The following SLC16A4 variants were observed in gnomAD, a reference collection of about 807,000 sequenced individuals.
The protein encoded by SLC16A4 is probable monocarboxylate transporter 5.
Under a neutral mutation model 47.9 loss-of-function variants are expected in SLC16A4, and 39 were observed. That is an observed-to-expected ratio of 0.81 (90% CI 0.63 to 1.06). The LOEUF is 1.06. Among genes scored for constraint, SLC16A4 ranks in the 50% least tolerant of loss-of-function variants. SLC16A4 has a pLI of 0.00. For synonymous variants in SLC16A4, 189 were observed against 199.9 expected (o/e 0.95, Z 0.46); for missense variants, 524 against 573.8 (o/e 0.91, Z 0.89).
intron 8 of SLC16A4, among the ~76,000 whole-genome samples, chr1:110,374,012 G>GTATATATATATA (rs778873663): frequency 2.7e-5 from 4 of 150,276 alleles, no homozygotes; most frequent in Admixed American, 2.7e-4. Context: ...TTAGTTTATA[G>GTATATATATATA]TCTCCTTCTT....
intron 5 of SLC16A4, among the ~76,000 whole-genome samples, chr1:110,380,691 C>G (rs558084759): frequency 1.3e-5 from 2 of 152,230 alleles, no homozygotes; most frequent in East Asian, 3.9e-4. Context: ...TTACTGCAAG[C>G]TGTTTCCAGC....
At chr1:110,365,734 A>G (rs1044362845) in intron 8 of SLC16A4, among the ~76,000 whole-genome samples, 1 of 152,144 alleles carries the variant, frequency 6.6e-6, no homozygotes, top group Non-Finnish European at 1.5e-5. Flanking sequence ...CTGCCAACAC[A>G]GCAAATGTAT....
chr1:110,381,664 C>A lies in SLC16A4; in HGVS notation c.352G>T (p.Gly118Ter). 6.2e-7 allele frequency: 1 copy of A among 1,612,332 alleles called. No individual in the cohort carries two copies. The highest frequency in any genetic ancestry group is 8.5e-7 in the Non-Finnish European group (1 of 1,179,642). The change falls in exon 4 of 9, where the codon GGA (glycine) becomes TGA (stop). Residue 118 changes from glycine (G) to a stop codon, truncating the protein, a stop_gained. Transcript: ENST00000369779. LOFTEE classifies it high-confidence loss of function. ...ACAATGGACTCACCGGGTAGAAGTC[C>A]CATAGTCACACAAAGAAAAGGAATA... ...TSIPFLCVTM[G>*]LLPGLGSAFL...
chr1:110,381,749 G>C lies in SLC16A4; in HGVS notation c.267C>G (p.Thr89=). 1 of 1,613,528 alleles carries C rather than the reference G, an allele frequency of 6.2e-7. No homozygotes were observed. Among genetic ancestry groups the C allele is most frequent in the Non-Finnish European group, 8.5e-7 (1 of 1,179,762 alleles). The change falls in exon 4 of 9, where the codon ACC becomes ACG. Residue 89 remains threonine (T), a synonymous_variant. Transcript: ENST00000369779. ...TAACAACGAAAGCCCCAAGAATGGA[G>C]GTAGTTTTCTCTCCAAGTATGTCAC... The part of the protein sequence containing the change: ...IICDILGEKT[T]SILGAFVVTG...
chr1:110,372,621 C>T (rs753206918), intron 8 of SLC16A4: 1 of 152,170 alleles, frequency 6.6e-6, no homozygotes, highest in Non-Finnish European at 1.5e-5. Context: ...CAAAGCTTTC[C>T]TGTGATTTCT....
intron 3 of SLC16A4, among the ~76,000 whole-genome samples, chr1:110,382,073 T>C (rs760231119): frequency 3.9e-5 from 6 of 152,210 alleles, no homozygotes; most frequent in Admixed American, 6.5e-5. Context: ...CACAAAAAGA[T>C]TGCATCTAGT....
At chr1:110,376,709 C>T (rs1015606942) in intron 7 of SLC16A4, among the ~76,000 whole-genome samples, 3 of 151,956 alleles carry the variant, frequency 2.0e-5, no homozygotes, top group Non-Finnish European at 4.4e-5. Context: ...AAAAAGGAAT[C>T]CTGCTGATCC....
At position 110,381,803 on chromosome 1, in the gene SLC16A4, G is replaced by A. The variant is rs1557911976; in HGVS notation, c.221-8C>T. ...TAATAGCAACCAGGGGACCTTAAGAGAAGAAAGAAAGGCAATTCTTAGGTA... is the reference window on the plus strand; with the variant it reads ...TAATAGCAACCAGGGGACCTTAAGAAAAGAAAGAAAGGCAATTCTTAGGTA... On this transcript the variant is annotated splice_polypyrimidine_tract_variant and splice_region_variant and intron_variant, in intron 3 of 8. Transcript: ENST00000369779. 2 of 1,608,008 alleles carry A rather than the reference G, an allele frequency of 1.2e-6. No homozygotes were observed. The highest frequency in any genetic ancestry group is 3.4e-5 in the Admixed American group (2 of 58,012).
chr1:110,382,112 C>A (rs1438362726), intron 3 of SLC16A4, among the ~76,000 whole-genome samples: 1 of 152,186 alleles, frequency 6.6e-6, no homozygotes, highest in African/African-American at 2.4e-5. Context: ...GGTTGAATCA[C>A]TTATCTGCTC....
At chr1:110,374,443 G>A (rs1661872460) in intron 8 of SLC16A4, among the ~76,000 whole-genome samples, 1 of 152,158 alleles carries the variant, frequency 6.6e-6, no homozygotes, top group South Asian at 2.1e-4. Context: ...CTTACTTCAG[G>A]ACTAAAAGAA....
intron 2 of SLC16A4, among the ~76,000 whole-genome samples, chr1:110,386,659 G>A (rs1662751732): frequency 6.6e-6 from 1 of 152,214 alleles, no homozygotes; most frequent in African/African-American, 2.4e-5. Context: ...ATCAGCCTCA[G>A]TGACTTATTT....
intron 7 of SLC16A4, 108 bp downstream of exon 7, chr1:110,376,842 G>T: frequency 3.2e-6 from 3 of 945,568 alleles, no homozygotes; most frequent in Non-Finnish European, 4.7e-6. Context: ...TCTTTGAAAT[G>T]ATTTTTTAAG....
chr1:110,383,013 T>C (rs779752344), intron 2 of SLC16A4, 47 bp from the exon 3 acceptor site: 1 of 1,511,022 alleles, frequency 6.6e-7, no homozygotes, highest in South Asian at 1.3e-5. Flanking sequence ...AAGTGAGCCA[T>C]TACAGAGGCA....
At chr1:110,373,497 A>G (rs1661795783) in intron 8 of SLC16A4, among the ~76,000 whole-genome samples, 2 of 152,084 alleles carry the variant, frequency 1.3e-5, no homozygotes, top group African/African-American at 4.8e-5. Context: ...GCTTTACTTT[A>G]TAATTCTAGC....
chr1:110,381,230 A>G, intron 4 of SLC16A4, 87 bp from the exon 5 acceptor site: 2 of 1,272,764 alleles, frequency 1.6e-6, no homozygotes, highest in Non-Finnish European at 2.2e-6. Context: ...CCGAGATAAT[A>G]CAGCTAGGCC....
chr1:110,380,126 G>A (rs1662292412), intron 5 of SLC16A4, among the ~76,000 whole-genome samples: 1 of 149,538 alleles, frequency 6.7e-6, no homozygotes, highest in South Asian at 2.1e-4. Flanking sequence ...ACATTTTTTA[G>A]ATCTTCCTTA....
chr1:110,382,930 C>A lies in SLC16A4; in HGVS notation c.124G>T (p.Ala42Ser), dbSNP rs145655061. Residue 42 changes from alanine to serine, a missense_variant, in exon 3 of 9, where the codon GCA (alanine) becomes TCA (serine). Ala to Ser is a moderately conservative substitution (Grantham distance 99). Transcript: ENST00000369779. ...VFVMGMTKTFAIFFVVFQEEF... is the reference protein window; with the variant it reads ...VFVMGMTKTFSIFFVVFQEEF... ...TCTTGAAAGACCACAAAGAAAATTGCAAAAGTCTTGGTCATCCCCATCACA... is the reference window on the plus strand; with the variant it reads ...TCTTGAAAGACCACAAAGAAAATTGAAAAAGTCTTGGTCATCCCCATCACA... 8.7e-6 allele frequency: 14 copies of A among 1,612,080 alleles called. No homozygotes were observed. The highest frequency in any genetic ancestry group is 1.1e-5 in the Non-Finnish European group (13 of 1,178,688).
At chr1:110,381,863 G>A (rs950191964) in intron 3 of SLC16A4, 68 bp from the exon 4 acceptor site, 9 of 1,376,406 alleles carry the variant, frequency 6.5e-6, no homozygotes, top group African/African-American at 5.9e-5. Context: ...CTCTGATGGC[G>A]ATTTAAATGA....
At chr1:110,388,225 C>G (rs946410206) in intron 2 of SLC16A4, among the ~76,000 whole-genome samples, 22 of 152,116 alleles carry the variant, frequency 1.4e-4, no homozygotes, top group African/African-American at 5.3e-4. Context: ...CACCAACATT[C>G]TGGAATGGGC....
Sources: gnomAD v4.1 joint callset for allele counts (sites outside exome capture counted in the v4.1 genomes callset) on GRCh38, gnomAD v4.1.1 for gene constraint, MANE v1.5 for transcripts, NCBI Gene and HGNC (gene_info 2026-07-23, HGNC 2026-07-21) for gene names.